The following AGBL4 variants were observed in gnomAD, a reference collection of about 807,000 sequenced individuals.
The protein encoded by AGBL4 is AGBL carboxypeptidase 4, also known as cytosolic carboxypeptidase 6.
A neutral mutation model predicts 66.4 loss-of-function variants in AGBL4; 58 were observed. The observed-to-expected ratio is 0.87, with a 90% CI of 0.71 to 1.09. The LOEUF (loss-of-function observed/expected upper bound fraction) is 1.09. AGBL4 is among the 50% of genes least tolerant of loss of function. AGBL4 has a pLI of 0.00. For synonymous variants in AGBL4, 234 were observed against 222.9 expected (o/e 1.05, Z -0.44); for missense variants, 579 against 631.0 (o/e 0.92, Z 0.88).
At chr1:50,007,854 G>A in intron 1 of AGBL4, among the ~76,000 whole-genome samples, 1 of 152,016 alleles carries the variant, frequency 6.6e-6, no homozygotes. Context: ...CATGCAAATA[G>A]AAACCCAAAA....
intron 5 of AGBL4, among the ~76,000 whole-genome samples, chr1:49,016,722 A>G (rs2764700): frequency 1 from 151,897 of 152,328 alleles, 75,737 homozygotes; most frequent in Middle Eastern, 1. Context: ...TCGTCAGCGA[A>G]CCCTGACAGC....
At chr1:49,264,764 C>T (rs1406088416) in intron 3 of AGBL4, among the ~76,000 whole-genome samples, 2 of 152,134 alleles carry the variant, frequency 1.3e-5, no homozygotes, top group Admixed American at 1.3e-4. Context: ...AGGCTGGTCT[C>T]GAACTCCTGA....
At chr1:49,881,682 CTT>C (rs1647330127) in intron 1 of AGBL4, among the ~76,000 whole-genome samples, 1 of 150,556 alleles carries the variant, frequency 6.6e-6, no homozygotes, top group Non-Finnish European at 1.5e-5. Context: ...GCATAAATGT[CTT>C]CTTTTGAGAA....
chr1:49,628,820 C>T (rs765672860), intron 3 of AGBL4, among the ~76,000 whole-genome samples: 2 of 152,074 alleles, frequency 1.3e-5, no homozygotes, highest in Non-Finnish European at 2.9e-5. Flanking sequence ...TGTTACTGAC[C>T]CTCTTCTCTC....
At chr1:48,686,384 A>G (rs75826031) in intron 6 of AGBL4, among the ~76,000 whole-genome samples, 154 of 152,320 alleles carry the variant, frequency 1.0e-3, no homozygotes, top group African/African-American at 3.7e-3. Flanking sequence ...GTTTGTTTAG[A>G]GCAGTGCCTG....
At chr1:48,726,629 A>AGTT (rs1290987102) in intron 6 of AGBL4, among the ~76,000 whole-genome samples, 12 of 152,296 alleles carry the variant, frequency 7.9e-5, no homozygotes, top group Admixed American at 7.2e-4. Flanking sequence ...GAATAAGTTT[A>AGTT]GTTAACTGAA....
intron 9 of AGBL4, among the ~76,000 whole-genome samples, chr1:48,607,118 T>C (rs1435104605): frequency 6.6e-6 from 1 of 152,230 alleles, no homozygotes; most frequent in East Asian, 1.9e-4. Flanking sequence ...ATCTTTTTCA[T>C]ACCATAATAA....
At chr1:48,541,528 T>C (rs1644069077) in intron 11 of AGBL4, among the ~76,000 whole-genome samples, 2 of 152,188 alleles carry the variant, frequency 1.3e-5, no homozygotes, top group Non-Finnish European at 1.5e-5. Context: ...TCTCAGCACT[T>C]TGGGAGGCTG....
Position 49,939,145 on chromosome 1 carries a change from C to T in AGBL4, c.34+84618G>A, listed in dbSNP as rs528485711. On this transcript the variant is annotated intron_variant, in intron 1 of 13. Coordinates refer to ENST00000371839, the MANE Select transcript of AGBL4 (RefSeq NM_032785.4). ...AAATACCTAGGAATCCAACTTACAA[C>T]GGACGTGAAGGACCTCTTCAAGGAG... 4.3e-4 allele frequency among the ~76,000 whole-genome samples: 65 copies of T among 151,336 alleles called. No individual in the cohort carries two copies. In the East Asian group the frequency reaches 5.5e-3, roughly 13 times the overall value.
intron 1 of AGBL4, among the ~76,000 whole-genome samples, chr1:49,977,852 G>A (rs1442432654): frequency 6.6e-6 from 1 of 152,026 alleles, no homozygotes; most frequent in Non-Finnish European, 1.5e-5. Context: ...GCTCTAATCA[G>A]GACTGATCAT....
chr1:49,085,524 A>G (rs1571409674), intron 4 of AGBL4, among the ~76,000 whole-genome samples: 1 of 152,120 alleles, frequency 6.6e-6, no homozygotes, highest in Non-Finnish European at 1.5e-5. Flanking sequence ...AAGATGGTGG[A>G]CTACAAGCAG....
At chr1:49,504,549 T>G (rs981016387) in intron 3 of AGBL4, among the ~76,000 whole-genome samples, 1 of 152,112 alleles carries the variant, frequency 6.6e-6, no homozygotes, top group Non-Finnish European at 1.5e-5. Flanking sequence ...TATTTACAAT[T>G]GTTATATTCA....
At chr1:49,495,150 C>G (rs1647425512) in intron 3 of AGBL4, among the ~76,000 whole-genome samples, 1 of 151,992 alleles carries the variant, frequency 6.6e-6, no homozygotes, top group African/African-American at 2.4e-5. Context: ...ACACTAACGT[C>G]TAATTATAGG....
At chr1:49,993,045 A>G (rs1417297903) in intron 1 of AGBL4, among the ~76,000 whole-genome samples, 1 of 152,232 alleles carries the variant, frequency 6.6e-6, no homozygotes, top group Non-Finnish European at 1.5e-5. Context: ...ATGCCAAGCC[A>G]TAAGACTAAA....
At chr1:49,403,376 T>C (rs1645128692) in intron 3 of AGBL4, among the ~76,000 whole-genome samples, 1 of 152,216 alleles carries the variant, frequency 6.6e-6, no homozygotes, top group Non-Finnish European at 1.5e-5. Flanking sequence ...AGGCAAAATG[T>C]GTTTCTTGTA....
intron 11 of AGBL4, among the ~76,000 whole-genome samples, chr1:48,582,012 C>A (rs1644747795): frequency 6.6e-6 from 1 of 152,142 alleles, no homozygotes; most frequent in South Asian, 2.1e-4. Flanking sequence ...AAGCTATGGG[C>A]CTTCCTCCCA....
chr1:49,132,157 G>A (rs981172800), intron 4 of AGBL4, among the ~76,000 whole-genome samples: 5 of 152,032 alleles, frequency 3.3e-5, no homozygotes, highest in African/African-American at 1.2e-4. Flanking sequence ...TGGTCACATG[G>A]AATTCATAAA....
intron 3 of AGBL4, among the ~76,000 whole-genome samples, chr1:49,611,374 C>CTTTTT (rs35960918): frequency 2.5e-5 from 3 of 117,844 alleles, no homozygotes; most frequent in Non-Finnish European, 5.2e-5. Context: ...CAACCATATT[C>CTTTTT]TTTTTTTTTT....
At chr1:49,663,790 T>C (rs1259034037) in intron 3 of AGBL4, among the ~76,000 whole-genome samples, 1 of 151,734 alleles carries the variant, frequency 6.6e-6, no homozygotes, top group Non-Finnish European at 1.5e-5. Context: ...ATACAAACAA[T>C]AGGGTTAAAA....
Sources: gnomAD v4.1 joint callset for allele counts (sites outside exome capture counted in the v4.1 genomes callset) on GRCh38, gnomAD v4.1.1 for gene constraint, MANE v1.5 for transcripts, NCBI Gene and HGNC (gene_info 2026-07-23, HGNC 2026-07-21) for gene names.